The following LMNA variants were observed in gnomAD, a reference collection of about 807,000 sequenced individuals.
LMNA encodes lamin A/C.
In LMNA, 20 loss-of-function variants were observed where a neutral mutation model predicts 70.4. The observed-to-expected ratio is 0.28, with a 90% CI of 0.20 to 0.41. The LOEUF (loss-of-function observed/expected upper bound fraction) is 0.41, where lower values mean the gene tolerates loss of function less well. Ranked by LOEUF, LMNA falls within the 10% of genes least tolerant of loss-of-function variation. The probability of loss-of-function intolerance (pLI) is 1.00; values close to 1 mark genes in which losing one functional copy is unlikely to be tolerated. For synonymous variants in LMNA, 339 were observed against 372.8 expected (o/e 0.91, Z 1.04); for missense variants, 652 against 917.2 (o/e 0.71, Z 3.73).
At chr1:156,116,373 T>C (rs1270948177) in intron 1 of LMNA, among the ~76,000 whole-genome samples, 3 of 138,122 alleles carry the variant, frequency 2.2e-5, no homozygotes, top group Admixed American at 7.2e-5. Flanking sequence ...CACCTTCTTC[T>C]TTTCTAAAAA....
Position 156,139,607 on chromosome 1 carries a change from A to C in LMNA, c.*501A>C. ...CGAGAGGGAGAGAGAGAGAGAGAGG[A>C]CAGCTTGAGCCGGGCCCCTGGGCTT... On this transcript the variant is annotated 3_prime_UTR_variant, in exon 12 of 12. Transcript: ENST00000368300. 7.1e-7 allele frequency: 1 copy of C among 1,407,330 alleles called. No homozygotes were observed. The highest frequency in any genetic ancestry group is 9.2e-7 in the Non-Finnish European group (1 of 1,086,468). The allele number at this position is 1,407,330 out of a possible 1,614,324, so 87.2% of individuals were successfully genotyped here.
intron 3 of LMNA, among the ~76,000 whole-genome samples, chr1:156,095,362 T>G (rs1285792668): frequency 6.6e-6 from 1 of 152,110 alleles, no homozygotes; most frequent in African/African-American, 2.4e-5. Context: ...AGTAAATGAT[T>G]GATTGAATGA....
chr1:156,128,400 A>G (rs940705552), intron 1 of LMNA, among the ~76,000 whole-genome samples: 5 of 152,186 alleles, frequency 3.3e-5, no homozygotes, highest in African/African-American at 1.2e-4. Context: ...GGCTGTTACC[A>G]GGGGGAACTC....
intron 1 of LMNA, among the ~76,000 whole-genome samples, chr1:156,117,969 ATTTTTTTTTTTTT>A (rs1186679791): frequency 6.5e-5 from 6 of 91,910 alleles, no homozygotes; most frequent in East Asian, 7.9e-4. Context: ...CGCTTGGCTA[ATTTTTTTTTTTTT>A]TTTTTTTTTT....
intron 3 of LMNA, among the ~76,000 whole-genome samples, chr1:156,102,357 G>A (rs1165872787): frequency 6.6e-6 from 1 of 152,142 alleles, no homozygotes; most frequent in Non-Finnish European, 1.5e-5. Flanking sequence ...AGGGCAGCAA[G>A]GTACAGTTGA....
In LMNA at chr1:156,137,709, A is replaced by T; in HGVS notation, c.1664A>T (p.Asp555Val). ...RSVTVVEDDE[D>V]EDGDDLLHHH... ...GTGACTGTGGTTGAGGACGACGAGG[A>T]TGAGGATGGAGATGACCTGCTCCAT... Residue 555 changes from aspartate (D) to valine (V), a missense_variant, in exon 10 of 12, where the codon GAT becomes GTT. By Grantham distance (152) the Asp-to-Val change is radical (BLOSUM62 -3). This residue lies in a region of LMNA where 327 missense variants were observed against 387.6 expected (regional missense o/e 0.84). Coordinates refer to ENST00000368300, the MANE Select transcript of LMNA (RefSeq NM_170707.4). The surrounding 1 kb of genome is among the most constrained non-coding windows in gnomAD (Gnocchi z 4.6). The T allele has an allele frequency of 6.4e-7, 1 of 1,555,034 alleles. No individual in the cohort carries two copies. Among genetic ancestry groups the T allele is most frequent in the Non-Finnish European group, 8.7e-7 (1 of 1,148,922 alleles).
At chr1:156,084,204 GACTTA>G (rs1648384372) in intron 2 of LMNA, among the ~76,000 whole-genome samples, 2 of 152,132 alleles carry the variant, frequency 1.3e-5, no homozygotes, top group South Asian at 4.1e-4. Flanking sequence ...TGACTTCACA[GACTTA>G]GCAATGTGGG....
chr1:156,114,263 G>A (rs974731433), upstream of LMNA, among the ~76,000 whole-genome samples: 3 of 152,136 alleles, frequency 2.0e-5, no homozygotes, highest in African/African-American at 4.8e-5. Context: ...GGAGGACAGG[G>A]GGAGCCAGTG....
chr1:156,106,635 ACCCCCCC>A (rs1649357141), intron 3 of LMNA: 1 of 43,000 alleles, frequency 2.3e-5, no homozygotes, highest in African/African-American at 1.0e-4. Context: ...CTCTGTCCCC[ACCCCCCC>A]ACGCCTCTGT....
At position 156,115,204 on chromosome 1, in the gene LMNA, G is replaced by T. The variant is rs1553262000; in HGVS notation, c.286G>T (p.Ala96Ser). The T allele has an allele frequency of 6.2e-7, 1 of 1,613,004 alleles. No individual in the cohort carries two copies. The highest frequency in any genetic ancestry group is 8.5e-7 in the Non-Finnish European group (1 of 1,179,758). The change falls in exon 1 of 12, where the codon GCC (alanine) becomes TCC (serine). Residue 96 changes from alanine to serine, a missense_variant. Around this residue, in one of 4 missense-constraint regions of LMNA, gnomAD observed 254 missense variants for 421.9 expected, o/e 0.60. Coordinates refer to ENST00000368300, the MANE Select transcript of LMNA (RefSeq NM_170707.4). The surrounding 1 kb of genome is among the most constrained non-coding windows in gnomAD (Gnocchi z 5.8). ...TGCCCGCAAGACCCTTGACTCAGTAGCCAAGGAGCGCGCCCGCCTGCAGCT... is the reference window on the plus strand; with the variant it reads ...TGCCCGCAAGACCCTTGACTCAGTATCCAAGGAGCGCGCCCGCCTGCAGCT... Reference protein sequence around the residue: ...GDARKTLDSVAKERARLQLEL... With the variant: ...GDARKTLDSVSKERARLQLEL...
At chr1:156,126,777 C>G (rs1650617837) in intron 1 of LMNA, 1 of 1,596,096 alleles carries the variant, frequency 6.3e-7, no homozygotes, top group Non-Finnish European at 8.5e-7. Flanking sequence ...GATGCCCAGC[C>G]CTTCTCGCCT....
chr1:156,089,996 G>C (rs910764387), intron 2 of LMNA, among the ~76,000 whole-genome samples: 1 of 152,138 alleles, frequency 6.6e-6, no homozygotes, highest in African/African-American at 2.4e-5. Context: ...TTCGAGCTGC[G>C]GTGAGGGAGG....
intron 1 of LMNA, among the ~76,000 whole-genome samples, chr1:156,116,596 G>T (rs945084361): frequency 6.6e-6 from 1 of 152,114 alleles, no homozygotes; most frequent in African/African-American, 2.4e-5. Flanking sequence ...GCTAGGTGTG[G>T]TTTTGTTGCC....
At chr1:156,092,730 C>G (rs1648754319) in intron 3 of LMNA, among the ~76,000 whole-genome samples, 1 of 151,598 alleles carries the variant, frequency 6.6e-6, no homozygotes, top group African/African-American at 2.4e-5. Context: ...AAAGCACCAT[C>G]TTAGTTCCCC....
chr1:156,128,368 C>T (rs1238772305), intron 1 of LMNA, among the ~76,000 whole-genome samples: 2 of 152,210 alleles, frequency 1.3e-5, no homozygotes, highest in African/African-American at 4.8e-5. Flanking sequence ...CAGTCAGTGT[C>T]TGCCAGGCAC....
rs267607610 is a variant in LMNA, at chr1:156,136,012, G to A, written c.1048G>A (p.Ala350Thr). 1 of 1,614,202 alleles carries A rather than the reference G, an allele frequency of 6.2e-7. No individual in the cohort carries two copies. The highest frequency in any genetic ancestry group is 1.1e-5 in the South Asian group (1 of 91,090). The change falls in exon 6 of 12, where the codon GCA becomes ACA. Residue 350 changes from alanine to threonine, a missense_variant. By Grantham distance (58) the Ala-to-Thr change is moderately conservative. Around this residue, in one of 4 missense-constraint regions of LMNA, gnomAD observed 33 missense variants for 75.3 expected, o/e 0.44. Transcript: ENST00000368300. This position sits in a 1 kb window ranked among gnomAD's most constrained non-coding sequence, Gnocchi z 6.1. ...GGAGCGGGAGATGGCCGAGATGCGG[G>A]CAAGGATGCAGCAGCAGCTGGACGA... ...EKEREMAEMRARMQQQLDEYQ... is the reference protein window; with the variant it reads ...EKEREMAEMRTRMQQQLDEYQ...
chr1:156,097,505 T>C (rs1648982560), intron 3 of LMNA, among the ~76,000 whole-genome samples: 2 of 152,220 alleles, frequency 1.3e-5, no homozygotes, highest in Non-Finnish European at 2.9e-5. Flanking sequence ...AACAGTCCTA[T>C]GGAATTACCG....
chr1:156,125,515 C>T (rs1409536964), intron 1 of LMNA, among the ~76,000 whole-genome samples: 2 of 151,702 alleles, frequency 1.3e-5, no homozygotes, highest in Non-Finnish European at 2.9e-5. Context: ...TGGCGAAACC[C>T]TATCTCTACT....
At chr1:156,089,447 C>G (rs912017897) in intron 2 of LMNA, among the ~76,000 whole-genome samples, 1 of 151,740 alleles carries the variant, frequency 6.6e-6, no homozygotes, top group African/African-American at 2.4e-5. Flanking sequence ...AGGCGCGCAC[C>G]CCCACGCCCA....
Sources: gnomAD v4.1 joint callset for allele counts (sites outside exome capture counted in the v4.1 genomes callset) on GRCh38, gnomAD v4.1.1 for gene constraint, gnomAD v4.1.1 regional missense constraint, Gnocchi (gnomAD v3.1) non-coding constraint, MANE v1.5 for transcripts, NCBI Gene and HGNC (gene_info 2026-07-23, HGNC 2026-07-21) for gene names.